Variants in ADGRV1 observed in about 807,000 individuals in gnomAD.
ADGRV1 encodes adhesion G protein-coupled receptor V1, also known as G-protein coupled receptor 98.
A neutral mutation model predicts 596.2 loss-of-function variants in ADGRV1; 359 were observed. The observed-to-expected ratio is 0.60, with a 90% confidence interval of 0.55 to 0.66. The LOEUF (loss-of-function observed/expected upper bound fraction) is 0.66, where lower values mean the gene tolerates loss of function less well. ADGRV1 is among the 30% of genes least tolerant of loss of function. The pLI is 0.00. For synonymous variants in ADGRV1, 2,681 were observed against 2,679.2 expected, an observed-to-expected ratio of 1.00 and a Z score of -0.02; for missense variants, 7,274 against 7,575.6, an observed-to-expected ratio of 0.96 and a Z score of 1.48.
intron 1 of ADGRV1, among the ~76,000 whole-genome samples, chr5:90,581,332 G>A (rs767604881): frequency 1.8e-4 from 28 of 152,140 alleles, no homozygotes; most frequent in Non-Finnish European, 3.2e-4. Flanking sequence ...GAGGAGAAGA[G>A]GTGCTCTAGT....
In ADGRV1 at chr5:90,743,692, C is replaced by T. The variant is rs145194964; in HGVS notation, c.10550-1354C>T. The stretch of plus-strand genomic sequence containing the variant: ...TTCACCATGTTAGCCAGGATGGTCT[C>T]GATCTCCCGACCTCGTGATCTTCCT... On this transcript the variant is annotated intron_variant, in intron 50 of 89. Transcript: ENST00000405460. 8.9e-3 allele frequency among the ~76,000 whole-genome samples: 1,348 copies of T among 151,984 alleles called. 7 individuals are homozygous for T. The highest frequency in any genetic ancestry group is 0.045 in the South Asian group (218 of 4,814).
intron 87 of ADGRV1, among the ~76,000 whole-genome samples, chr5:91,133,092 G>A (rs1229964472): frequency 2.0e-5 from 3 of 152,194 alleles, no homozygotes; most frequent in Non-Finnish European, 4.4e-5. Context: ...AAGTGAAGGT[G>A]TGATATCATG....
intron 59 of ADGRV1, among the ~76,000 whole-genome samples, chr5:90,771,740 T>C (rs989984501): frequency 6.6e-6 from 1 of 152,208 alleles, no homozygotes; most frequent in Non-Finnish European, 1.5e-5. Flanking sequence ...TCTGCACTGC[T>C]ATTCAGCAGA....
At chr5:91,067,657 A>G (rs1285411380) in intron 85 of ADGRV1, among the ~76,000 whole-genome samples, 1 of 152,244 alleles carries the variant, frequency 6.6e-6, no homozygotes, top group Non-Finnish European at 1.5e-5. Context: ...GAGTAATTCA[A>G]TAATTGAGTC....
Position 91,164,228 on chromosome 5 carries a change from C to A in ADGRV1, c.*328C>A. ...AGCAATAGAATCTATTTGGTATCAT[C>A]CAGCTTCATTATTGATAAAGAAACA... On this transcript the variant is annotated 3_prime_UTR_variant, in exon 90 of 90. Transcript: ENST00000405460. 2.9e-6 allele frequency: 1 copy of A among 350,728 alleles called. No homozygotes were observed. The highest frequency in any genetic ancestry group is 5.5e-6 in the Non-Finnish European group (1 of 181,366). The allele number at this position is 350,728 out of a possible 1,614,324, so 21.7% of individuals were successfully genotyped here. A position where few individuals can be genotyped will look rare whatever the true frequency, so the allele number is the denominator to read the frequency against.
chr5:90,726,447 C>T (rs889099709), intron 48 of ADGRV1, among the ~76,000 whole-genome samples: 1 of 152,172 alleles, frequency 6.6e-6, no homozygotes, highest in African/African-American at 2.4e-5. Context: ...TATAGTAAGA[C>T]ATCCTGAAAG....
intron 83 of ADGRV1, among the ~76,000 whole-genome samples, chr5:90,897,728 G>C (rs1431634644): frequency 6.6e-6 from 1 of 152,110 alleles, no homozygotes; most frequent in Non-Finnish European, 1.5e-5. Context: ...GTTTTGCCTA[G>C]GAGGCCTTCT....
At chr5:90,900,630 C>T (rs930841018) in intron 83 of ADGRV1, among the ~76,000 whole-genome samples, 1 of 152,012 alleles carries the variant, frequency 6.6e-6, no homozygotes, top group Non-Finnish European at 1.5e-5. Flanking sequence ...ATTTCTTTGC[C>T]GCAACTATAT....
intron 83 of ADGRV1, among the ~76,000 whole-genome samples, chr5:90,874,230 T>C (rs1768994293): frequency 1.3e-5 from 2 of 152,094 alleles, no homozygotes; most frequent in Admixed American, 1.3e-4. Flanking sequence ...TTGTCCTACA[T>C]CCTGTGTTCT....
chr5:90,936,112 G>C (rs1343071884), intron 83 of ADGRV1, among the ~76,000 whole-genome samples: 1 of 152,142 alleles, frequency 6.6e-6, no homozygotes, highest in Non-Finnish European at 1.5e-5. Context: ...TAGACTTTAT[G>C]AATCATTGCT....
At chr5:91,130,755 G>A (rs985413744) in intron 87 of ADGRV1, among the ~76,000 whole-genome samples, 6 of 152,132 alleles carry the variant, frequency 3.9e-5, no homozygotes, top group Admixed American at 1.3e-4. Context: ...TGCCCTATAA[G>A]TAGTTTTTCA....
At chr5:90,725,699 T>A in intron 48 of ADGRV1, 43 bp downstream of exon 48, 1 of 1,023,234 alleles carries the variant, frequency 9.8e-7, no homozygotes, top group Non-Finnish European at 1.5e-6. Flanking sequence ...TTTGCTTTTC[T>A]TTTTAACATT....
intron 77 of ADGRV1, among the ~76,000 whole-genome samples, chr5:90,832,631 C>A (rs895337212): frequency 6.6e-6 from 1 of 152,008 alleles, no homozygotes; most frequent in Non-Finnish European, 1.5e-5. Flanking sequence ...TCCATTTTTA[C>A]TTTGGTTGTG....
intron 83 of ADGRV1, among the ~76,000 whole-genome samples, chr5:90,914,658 A>G (rs911626571): frequency 6.6e-6 from 1 of 152,092 alleles, no homozygotes; most frequent in African/African-American, 2.4e-5. Context: ...CCCATTTCTG[A>G]TTGATTTTTA....
chr5:90,776,161 A>G (rs1758203108), intron 60 of ADGRV1, among the ~76,000 whole-genome samples: 1 of 152,176 alleles, frequency 6.6e-6, no homozygotes, highest in African/African-American at 2.4e-5. Context: ...AATTAATGCC[A>G]ATGGTAGAGG....
chr5:90,768,353 A>G (rs1581060757), intron 59 of ADGRV1, among the ~76,000 whole-genome samples: 2 of 152,116 alleles, frequency 1.3e-5, no homozygotes, highest in South Asian at 4.1e-4. Flanking sequence ...TATGTCTCCC[A>G]CGGGTTCTAA....
intron 21 of ADGRV1, among the ~76,000 whole-genome samples, chr5:90,666,400 G>A (rs1771393912): frequency 6.6e-6 from 1 of 151,954 alleles, no homozygotes; most frequent in South Asian, 2.1e-4. Flanking sequence ...ATCTTTGTTG[G>A]TTTAAAGTGT....
Position 90,647,541 on chromosome 5 carries a change from T to G in ADGRV1, c.3066T>G (p.Phe1022Leu). 1 of 1,613,822 alleles carries G rather than the reference T, an allele frequency of 6.2e-7. No homozygotes were observed. The highest frequency in any genetic ancestry group is 8.5e-7 in the Non-Finnish European group (1 of 1,179,750). Residue 1022 changes from phenylalanine (F) to leucine (L), a missense_variant, in exon 17 of 90, where the codon TTT becomes TTG. Around this residue, in one of 5 missense-constraint regions of ADGRV1, gnomAD observed 1,715 missense variants for 1,708.8 expected, o/e 1.00. Coordinates refer to ENST00000405460, the MANE Select transcript of ADGRV1 (RefSeq NM_032119.4). ...VRVQEGETAN[F>L]TVLRNGSVDV... The stretch of plus-strand genomic sequence containing the variant: ...TTCAGGAAGGTGAGACTGCCAACTT[T>G]ACAGTTCTCAGAAATGGATCTGTTG...
chr5:91,072,157 A>G (rs912537055), intron 85 of ADGRV1, among the ~76,000 whole-genome samples: 8 of 152,154 alleles, frequency 5.3e-5, no homozygotes, highest in Non-Finnish European at 7.3e-5. Context: ...CTTAACTTCT[A>G]TGAGATGTAT....
Sources: allele counts gnomAD v4.1 joint callset (sites outside exome capture counted in the v4.1 genomes callset), GRCh38; gene constraint gnomAD v4.1.1; regional missense constraint gnomAD v4.1.1; transcripts MANE v1.5; gene names NCBI Gene and HGNC (gene_info 2026-07-23, HGNC 2026-07-21).